The following SLC5A4 variants were observed in gnomAD, a reference collection of about 807,000 sequenced individuals.
SLC5A4 encodes probable glucose sensor protein SLC5A4.
Under a neutral mutation model 70.3 loss-of-function variants are expected in SLC5A4, and 55 were observed. That is an observed-to-expected ratio of 0.78 (90% confidence interval 0.63 to 0.98). The LOEUF (loss-of-function observed/expected upper bound fraction) is 0.98, where lower values mean the gene tolerates loss of function less well. SLC5A4 is among the 50% of genes least tolerant of loss of function. The probability of loss-of-function intolerance (pLI) is 0.00; values close to 1 mark genes in which losing one functional copy is unlikely to be tolerated. For missense variants in SLC5A4, 735 were observed against 839.2 expected, an observed-to-expected ratio of 0.88 and a Z score of 1.53; for synonymous variants, 268 against 305.7, an observed-to-expected ratio of 0.88 and a Z score of 1.29.
chr22:32,232,835 T>G (rs1460827984), intron 9 of SLC5A4, 64 bp downstream of exon 9: 2 of 1,530,070 alleles, frequency 1.3e-6, no homozygotes, highest in African/African-American at 2.8e-5. Context: ...TTTTATGACA[T>G]TTTAAAAACA....
chr22:32,291,034 GTCT>G, the SLC5A4 span, among the ~76,000 whole-genome samples: 2 of 151,954 alleles, frequency 1.3e-5, no homozygotes, highest in Admixed American at 6.5e-5. Flanking sequence ...ATTGGAATTT[GTCT>G]TCTTTCATTT....
chr22:32,258,804 A>G (rs116901711), upstream of SLC5A4, among the ~76,000 whole-genome samples: 1 of 152,354 alleles, frequency 6.6e-6, no homozygotes, highest in East Asian at 1.9e-4. Flanking sequence ...ACTATTCACA[A>G]AAGATACAGA....
At chr22:32,285,703 C>T in the SLC5A4 span, among the ~76,000 whole-genome samples, 2 of 127,934 alleles carry the variant, frequency 1.6e-5, no homozygotes, top group African/African-American at 5.7e-5. Context: ...ATCTTATTTT[C>T]TTTTTTTATT....
Position 32,237,326 on chromosome 22 carries a change from T to C in SLC5A4, c.584-2A>G. Reference sequence around the variant, plus strand: ...TGTAAATCACCGAGGCCAAGCCCCCTAGTGAGAGAAAGAAAAGAACCAGGG... The same window carrying C: ...TGTAAATCACCGAGGCCAAGCCCCCCAGTGAGAGAAAGAAAAGAACCAGGG... On this transcript the variant is annotated splice_acceptor_variant, in intron 6 of 14. Transcript: ENST00000266086. LOFTEE classifies it high-confidence loss of function. 1.3e-6 allele frequency: 2 copies of C among 1,587,304 alleles called. No homozygotes were observed. The highest frequency in any genetic ancestry group is 1.1e-5 in the South Asian group (1 of 86,984).
the SLC5A4 span, among the ~76,000 whole-genome samples, chr22:32,263,191 T>C: frequency 3.3e-5 from 5 of 151,866 alleles, no homozygotes; most frequent in Non-Finnish European, 7.4e-5. Context: ...TTGTTTTTGT[T>C]AGAGACAGGG....
At chr22:32,337,734 C>G in the SLC5A4 span, among the ~76,000 whole-genome samples, 1 of 152,122 alleles carries the variant, frequency 6.6e-6, no homozygotes. Context: ...CTGTCAATTT[C>G]CCGAGCGTAA....
At chr22:32,308,557 C>T in the SLC5A4 span, among the ~76,000 whole-genome samples, 1 of 152,246 alleles carries the variant, frequency 6.6e-6, no homozygotes, top group Non-Finnish European at 1.5e-5. Flanking sequence ...GAAACCATCT[C>T]CTGGCCAAAG....
the SLC5A4 span, among the ~76,000 whole-genome samples, chr22:32,345,560 T>C: frequency 1.3e-5 from 2 of 152,152 alleles, no homozygotes; most frequent in African/African-American, 2.4e-5. Context: ...AATGAACATC[T>C]GCTAAGTAAT....
chr22:32,330,624 C>G, the SLC5A4 span, among the ~76,000 whole-genome samples: 9 of 92,350 alleles, frequency 9.7e-5, no homozygotes, highest in African/African-American at 4.0e-4. Context: ...TCAGGAAGCT[C>G]TGGTGTGTGT....
intron 3 of SLC5A4, 33 bp downstream of exon 3, chr22:32,251,737 G>T (rs772253436): frequency 2.8e-5 from 36 of 1,278,528 alleles, no homozygotes; most frequent in Middle Eastern, 1.8e-4. Context: ...ATATGGTTTT[G>T]ATTTGAAGGA....
chr22:32,233,111 T>C, intron 8 of SLC5A4, 77 bp from the exon 9 acceptor site: 1 of 1,494,304 alleles, frequency 6.7e-7, no homozygotes, highest in Non-Finnish European at 9.1e-7. Flanking sequence ...CTTTCCAGAG[T>C]TTAATGTTGC....
the SLC5A4 span, among the ~76,000 whole-genome samples, chr22:32,318,601 C>T: frequency 6.6e-6 from 1 of 152,200 alleles, no homozygotes; most frequent in Non-Finnish European, 1.5e-5. Context: ...AAGCCTTACA[C>T]TTCCTGCTGC....
chr22:32,294,581 C>T, the SLC5A4 span, among the ~76,000 whole-genome samples: 2 of 134,670 alleles, frequency 1.5e-5, no homozygotes, highest in Non-Finnish European at 3.2e-5. Context: ...CTCCTTAATC[C>T]CTGACAATCA....
At chr22:32,222,553 AT>A (rs1569364742) in intron 13 of SLC5A4, among the ~76,000 whole-genome samples, 1 of 152,208 alleles carries the variant, frequency 6.6e-6, no homozygotes, top group Admixed American at 6.5e-5. Context: ...TAGTAATAAA[AT>A]TGGTTACTTC....
At chr22:32,308,125 G>A in the SLC5A4 span, among the ~76,000 whole-genome samples, 2 of 152,104 alleles carry the variant, frequency 1.3e-5, no homozygotes, top group Non-Finnish European at 2.9e-5. Flanking sequence ...GAGTGCACTG[G>A]TACGATCTCA....
At chr22:32,293,928 A>T in the SLC5A4 span, among the ~76,000 whole-genome samples, 1 of 152,174 alleles carries the variant, frequency 6.6e-6, no homozygotes, top group African/African-American at 2.4e-5. Flanking sequence ...AGTATAAAAT[A>T]ATATTATATT....
chr22:32,333,857 A>C, the SLC5A4 span, among the ~76,000 whole-genome samples: 7 of 147,472 alleles, frequency 4.7e-5, no homozygotes, highest in Non-Finnish European at 7.4e-5. Context: ...ACACACACAC[A>C]CCACAGACAC....
At chr22:32,255,041 A>G (rs1275484591) in intron 1 of SLC5A4, among the ~76,000 whole-genome samples, 154 bp downstream of exon 1, 2 of 152,170 alleles carry the variant, frequency 1.3e-5, no homozygotes, top group African/African-American at 4.8e-5. Context: ...ACATTAGTTC[A>G]TTGTAAGCGT....
At chr22:32,303,879 CTG>C in the SLC5A4 span, among the ~76,000 whole-genome samples, 1 of 152,196 alleles carries the variant, frequency 6.6e-6, no homozygotes, top group Non-Finnish European at 1.5e-5. Flanking sequence ...AACTGCCAAA[CTG>C]TCTTCCAAAG....
Sources: allele counts gnomAD v4.1 joint callset (sites outside exome capture counted in the v4.1 genomes callset), GRCh38; gene constraint gnomAD v4.1.1; transcripts MANE v1.5; gene names NCBI Gene and HGNC (gene_info 2026-07-23, HGNC 2026-07-21).